Variants in GRIN2A observed in about 807,000 individuals in gnomAD.
GRIN2A encodes the protein glutamate ionotropic receptor NMDA type subunit 2A, also known as glutamate receptor ionotropic, NMDA 2A.
A neutral mutation model predicts 113.4 loss-of-function variants in GRIN2A; 22 were observed. That is an observed-to-expected ratio of 0.19 (90% CI 0.14 to 0.28). GRIN2A has a LOEUF of 0.28. GRIN2A is among the 10% of genes least tolerant of loss of function. The pLI is 1.00. For missense variants in GRIN2A, 1,502 were observed against 1,887.0 expected, an observed-to-expected ratio of 0.80 and a Z score of 3.78; for synonymous variants, 827 against 738.4, an observed-to-expected ratio of 1.12 and a Z score of -1.94.
intron 3 of GRIN2A, among the ~76,000 whole-genome samples, chr16:9,899,752 C>G (rs2043881213): frequency 6.6e-6 from 1 of 152,026 alleles, no homozygotes; most frequent in Non-Finnish European, 1.5e-5. Context: ...GAGGGTGTGT[C>G]CTGACTTTTA....
rs765894828 is a variant in GRIN2A, at chr16:9,938,030, G to A, written c.936C>T (p.Tyr312=). Residue 312 remains tyrosine, a synonymous_variant, in exon 3 of 13, where the codon TAC becomes TAT. Transcript: ENST00000330684. ...AGCAGCTGGCCTTGGCCTCGGGGATGTAGGAGAACTTCTCCAGCATAGAAG... is the reference window on the plus strand; with the variant it reads ...AGCAGCTGGCCTTGGCCTCGGGGATATAGGAGAACTTCTCCAGCATAGAAG... ...AASSMLEKFS[Y]IPEAKASCYG... is the part of the protein sequence containing the mutation. 8.7e-6 allele frequency: 14 copies of A among 1,614,086 alleles called. No individual in the cohort carries two copies. The highest frequency in any genetic ancestry group is 2.2e-5 in the East Asian group (1 of 44,832).
At chr16:9,896,131 C>T (rs143840419) in intron 3 of GRIN2A, among the ~76,000 whole-genome samples, 8 of 151,934 alleles carry the variant, frequency 5.3e-5, no homozygotes, top group Non-Finnish European at 1.0e-4. Flanking sequence ...CTCACTGCAA[C>T]CTTCACCTCC....
At chr16:9,981,890 G>C (rs993138434) in intron 2 of GRIN2A, among the ~76,000 whole-genome samples, 1 of 152,102 alleles carries the variant, frequency 6.6e-6, no homozygotes, top group African/African-American at 2.4e-5. Context: ...GTGCTCAAAT[G>C]ATTCTCCTAC....
intron 3 of GRIN2A, among the ~76,000 whole-genome samples, chr16:9,914,208 C>G (rs1339641424): frequency 1.3e-5 from 2 of 151,908 alleles, no homozygotes; most frequent in Non-Finnish European, 2.9e-5. Flanking sequence ...AAAAAAACGG[C>G]AAATCTTAGT....
intron 2 of GRIN2A, among the ~76,000 whole-genome samples, chr16:9,961,798 A>C (rs1371651168): frequency 3.5e-5 from 5 of 143,232 alleles, no homozygotes; most frequent in Non-Finnish European, 7.8e-5. Context: ...ATATGGAACC[A>C]AAAAAGAGCC....
At chr16:9,784,454 C>A (rs80335048) in intron 11 of GRIN2A, among the ~76,000 whole-genome samples, 2,492 of 91,574 alleles carry the variant, frequency 0.027, 72 homozygotes, top group African/African-American at 0.094. Context: ...AAAAAAAAAA[C>A]AAACAAACAA....
At chr16:9,969,812 C>T (rs1025156978) in intron 2 of GRIN2A, among the ~76,000 whole-genome samples, 9 of 152,216 alleles carry the variant, frequency 5.9e-5, no homozygotes, top group Admixed American at 5.2e-4. Flanking sequence ...AGGAAAGCTC[C>T]CTATTCACAA....
chr16:9,865,390 C>T, intron 4 of GRIN2A, among the ~76,000 whole-genome samples: 1 of 152,160 alleles, frequency 6.6e-6, no homozygotes, highest in Admixed American at 6.5e-5. Flanking sequence ...AAATGAGAAT[C>T]ATGGTGACCA....
chr16:10,168,920 G>A (rs140058584), intron 2 of GRIN2A, among the ~76,000 whole-genome samples: 83 of 151,332 alleles, frequency 5.5e-4, no homozygotes, highest in African/African-American at 1.9e-3. Flanking sequence ...AACCAAGATC[G>A]TGCCATTGAA....
intron 2 of GRIN2A, among the ~76,000 whole-genome samples, chr16:10,133,095 T>C (rs547515118): frequency 3.3e-4 from 51 of 152,332 alleles, no homozygotes; most frequent in African/African-American, 1.2e-3. Context: ...CAGATAATTT[T>C]GGATGAGGCT....
chr16:10,070,810 T>C (rs1037075140), intron 2 of GRIN2A, among the ~76,000 whole-genome samples: 1 of 152,246 alleles, frequency 6.6e-6, no homozygotes, highest in Non-Finnish European at 1.5e-5. Flanking sequence ...GCAGACCATC[T>C]GGACCGCTTA....
chr16:9,970,758 G>T, intron 2 of GRIN2A: 1 of 968,626 alleles, frequency 1.0e-6, no homozygotes, highest in African/African-American at 1.8e-5. Flanking sequence ...GAAAATTACA[G>T]GCTGGTAAAC....
intron 2 of GRIN2A, among the ~76,000 whole-genome samples, chr16:10,016,571 C>T (rs758363399): frequency 6.6e-6 from 1 of 152,172 alleles, no homozygotes; most frequent in African/African-American, 2.4e-5. Flanking sequence ...TGCCTCCTAT[C>T]TGGCATAGCA....
intron 10 of GRIN2A, among the ~76,000 whole-genome samples, chr16:9,809,305 C>T (rs2042040973): frequency 6.6e-6 from 1 of 152,038 alleles, no homozygotes; most frequent in South Asian, 2.1e-4. Flanking sequence ...CTGTAGTAGC[C>T]TGTAAACCCA....
intron 4 of GRIN2A, among the ~76,000 whole-genome samples, chr16:9,866,606 G>A (rs780812235): frequency 6.6e-6 from 1 of 152,256 alleles, no homozygotes; most frequent in East Asian, 1.9e-4. Context: ...TCAACACCTG[G>A]GGATAATATT....
At chr16:9,785,237 C>A (rs1257021009) in intron 11 of GRIN2A, among the ~76,000 whole-genome samples, 1 of 151,972 alleles carries the variant, frequency 6.6e-6, no homozygotes, top group African/African-American at 2.4e-5. Context: ...GGCACATATA[C>A]AACATGGAAT....
chr16:10,099,289 A>G (rs1203623577), intron 2 of GRIN2A, among the ~76,000 whole-genome samples: 1 of 152,242 alleles, frequency 6.6e-6, no homozygotes, highest in Non-Finnish European at 1.5e-5. Context: ...TTCATTCCAG[A>G]AGAAACTCCT....
chr16:10,164,173 G>C (rs1198071419), intron 2 of GRIN2A, among the ~76,000 whole-genome samples: 1 of 152,206 alleles, frequency 6.6e-6, no homozygotes, highest in Non-Finnish European at 1.5e-5. Context: ...ACCCACCAAT[G>C]TGTTTACTCA....
intron 2 of GRIN2A, among the ~76,000 whole-genome samples, chr16:10,065,918 T>C (rs1426518111): frequency 6.6e-6 from 1 of 152,136 alleles, no homozygotes; most frequent in Non-Finnish European, 1.5e-5. Flanking sequence ...GGTGGAAACA[T>C]GGGTCTCTTA....
Sources: gnomAD v4.1 joint callset for allele counts (sites outside exome capture counted in the v4.1 genomes callset) on GRCh38, gnomAD v4.1.1 for gene constraint, MANE v1.5 for transcripts, NCBI Gene and HGNC (gene_info 2026-07-23, HGNC 2026-07-21) for gene names.